Variants in PTPRD observed in about 807,000 individuals in gnomAD.
PTPRD encodes protein tyrosine phosphatase receptor type D.
Under a neutral mutation model 214.5 loss-of-function variants are expected in PTPRD, and 34 were observed. The ratio of observed to expected loss-of-function variants is 0.16; its 90% CI spans 0.12 to 0.21. The LOEUF (loss-of-function observed/expected upper bound fraction) is 0.21. Ranked by LOEUF, PTPRD falls within the 10% of genes least tolerant of loss-of-function variation. PTPRD has a pLI of 1.00. For missense variants in PTPRD, 2,545 were observed against 2,398.7 expected, an observed-to-expected ratio of 1.06 and a Z score of -1.27; for synonymous variants, 1,128 against 845.7, an observed-to-expected ratio of 1.33 and a Z score of -5.79.
intron 5 of PTPRD, among the ~76,000 whole-genome samples, chr9:9,842,743 G>A (rs1209688758): frequency 6.8e-6 from 1 of 146,338 alleles, no homozygotes; most frequent in East Asian, 2.0e-4. Context: ...CATCAGTGTT[G>A]TGCTTCATAC....
At chr9:10,538,660 T>C (rs1473521780) in intron 2 of PTPRD, among the ~76,000 whole-genome samples, 1 of 141,646 alleles carries the variant, frequency 7.1e-6, no homozygotes, top group Non-Finnish European at 1.5e-5. Flanking sequence ...CTCCCATATA[T>C]AGGATGTACT....
chr9:9,998,129 A>AAAAAAAAATAT (rs57991748), intron 4 of PTPRD, among the ~76,000 whole-genome samples: 13 of 91,494 alleles, frequency 1.4e-4, no homozygotes, highest in Non-Finnish European at 2.2e-4. Flanking sequence ...AAAAAAAAAA[A>AAAAAAAAATAT]ATATATATAT....
chr9:8,766,139 C>G (rs1234152765), intron 11 of PTPRD, among the ~76,000 whole-genome samples: 2 of 151,208 alleles, frequency 1.3e-5, no homozygotes, highest in Non-Finnish European at 2.9e-5. Context: ...AACAGCAGGT[C>G]CTCAGGTAAC....
At chr9:8,570,002 A>G (rs566906905) in intron 14 of PTPRD, among the ~76,000 whole-genome samples, 1 of 152,238 alleles carries the variant, frequency 6.6e-6, no homozygotes, top group African/African-American at 2.4e-5. Flanking sequence ...TCCGTAATGA[A>G]GTTGTAGTGG....
intron 4 of PTPRD, among the ~76,000 whole-genome samples, chr9:9,987,646 C>T (rs1393162986): frequency 2.0e-5 from 3 of 151,962 alleles, no homozygotes; most frequent in Non-Finnish European, 2.9e-5. Flanking sequence ...GTAATTATAC[C>T]TATCACTTCT....
chr9:8,382,766 T>C (rs934654242), intron 37 of PTPRD, among the ~76,000 whole-genome samples: 2 of 152,222 alleles, frequency 1.3e-5, no homozygotes, highest in African/African-American at 4.8e-5. Context: ...CCATACATCA[T>C]GCAGACTCCA....
intron 11 of PTPRD, among the ~76,000 whole-genome samples, chr9:9,014,397 AT>A (rs1176378374): frequency 6.6e-6 from 1 of 152,074 alleles, no homozygotes; most frequent in Non-Finnish European, 1.5e-5. Context: ...GCCCTTAAAA[AT>A]GTCACCTAAT....
At chr9:9,042,294 G>A (rs1377935660) in intron 10 of PTPRD, among the ~76,000 whole-genome samples, 2 of 152,148 alleles carry the variant, frequency 1.3e-5, no homozygotes, top group Admixed American at 1.3e-4. Context: ...ATCCTGAGGG[G>A]AAATGTGGAT....
intron 2 of PTPRD, among the ~76,000 whole-genome samples, chr9:10,455,227 GT>G (rs1227869252): frequency 2.6e-5 from 4 of 151,404 alleles, no homozygotes; most frequent in South Asian, 2.1e-4. Flanking sequence ...CTTTCCAATT[GT>G]TTTTTTCTTT....
At chr9:9,182,853 C>T (rs1285902418) in intron 10 of PTPRD, among the ~76,000 whole-genome samples, 1 of 151,652 alleles carries the variant, frequency 6.6e-6, no homozygotes, top group East Asian at 1.9e-4. Context: ...CACTTTATTC[C>T]CTCATTAACA....
intron 11 of PTPRD, among the ~76,000 whole-genome samples, chr9:8,956,538 C>T (rs144386015): frequency 4.0e-5 from 6 of 151,722 alleles, no homozygotes; most frequent in South Asian, 2.1e-4. Context: ...AGAATACAGA[C>T]GTGACTAGTG....
At chr9:9,326,659 A>G (rs1050131616) in intron 9 of PTPRD, among the ~76,000 whole-genome samples, 3 of 151,970 alleles carry the variant, frequency 2.0e-5, no homozygotes, top group African/African-American at 7.2e-5. Flanking sequence ...TTTTTTTTAA[A>G]TGAGCAAGTA....
chr9:9,744,095 C>T (rs1287321936), intron 6 of PTPRD, among the ~76,000 whole-genome samples: 1 of 152,098 alleles, frequency 6.6e-6, no homozygotes, highest in Non-Finnish European at 1.5e-5. Context: ...AATTTTCTTG[C>T]ATGAATACTT....
intron 8 of PTPRD, among the ~76,000 whole-genome samples, chr9:9,532,598 A>G (rs1382382537): frequency 1.3e-5 from 2 of 152,182 alleles, no homozygotes; most frequent in African/African-American, 4.8e-5. Flanking sequence ...AAGGCTTTCC[A>G]ATTCATTGCA....
At chr9:9,722,718 T>C (rs1328940951) in intron 7 of PTPRD, among the ~76,000 whole-genome samples, 1 of 152,068 alleles carries the variant, frequency 6.6e-6, no homozygotes, top group Non-Finnish European at 1.5e-5. Context: ...TCCACATCCT[T>C]GACAACACTT....
At chr9:9,730,562 T>C (rs766541198) in intron 7 of PTPRD, among the ~76,000 whole-genome samples, 1 of 152,140 alleles carries the variant, frequency 6.6e-6, no homozygotes, top group Non-Finnish European at 1.5e-5. Context: ...AGATAAAATC[T>C]TGTTTTAACT....
intron 9 of PTPRD, among the ~76,000 whole-genome samples, chr9:9,394,136 T>C (rs1462003484): frequency 6.6e-6 from 1 of 152,178 alleles, no homozygotes; most frequent in Non-Finnish European, 1.5e-5. Flanking sequence ...TATTTACATG[T>C]CCCTTTACAT....
intron 8 of PTPRD, among the ~76,000 whole-genome samples, chr9:9,439,201 T>C (rs1249319956): frequency 6.6e-6 from 1 of 152,174 alleles, no homozygotes; most frequent in Non-Finnish European, 1.5e-5. Flanking sequence ...TAGATTTTTT[T>C]TTAATCAATA....
At chr9:9,418,183 G>A (rs1419710354) in intron 8 of PTPRD, among the ~76,000 whole-genome samples, 1 of 151,974 alleles carries the variant, frequency 6.6e-6, no homozygotes, top group Non-Finnish European at 1.5e-5. Context: ...TTGCCTCTGG[G>A]TGCCTGGCAA....
Sources: allele counts gnomAD v4.1 joint callset (sites outside exome capture counted in the v4.1 genomes callset), GRCh38; gene constraint gnomAD v4.1.1; transcripts MANE v1.5; gene names NCBI Gene and HGNC (gene_info 2026-07-23, HGNC 2026-07-21).